GLDC: variants seen among roughly 807,000 people sequenced by gnomAD.
The protein encoded by GLDC is glycine decarboxylase, also known as glycine dehydrogenase (decarboxylating), mitochondrial.
A neutral mutation model predicts 121.3 loss-of-function variants in GLDC; 104 were observed. The observed-to-expected ratio is 0.86, with a 90% CI of 0.73 to 1.01. The LOEUF is 1.01. GLDC is among the 50% of genes least tolerant of loss of function. The pLI is 0.00. For missense variants in GLDC, 1,429 were observed against 1,306.6 expected, an observed-to-expected ratio of 1.09 and a Z score of -1.44; for synonymous variants, 546 against 480.6, an observed-to-expected ratio of 1.14 and a Z score of -1.78.
intron 16 of GLDC, among the ~76,000 whole-genome samples, chr9:6,563,309 G>C (rs571616832): frequency 3.9e-5 from 6 of 152,250 alleles, no homozygotes; most frequent in Admixed American, 6.5e-5. Flanking sequence ...TTACTGCGTG[G>C]AAAGAATCTG....
At chr9:6,558,246 C>T in intron 17 of GLDC, 1 of 583,786 alleles carries the variant, frequency 1.7e-6, no homozygotes, top group Non-Finnish European at 3.0e-6. Context: ...GTGTGACTGC[C>T]ATTTTGATTA....
chr9:6,611,440 C>A (rs571312960), intron 3 of GLDC, among the ~76,000 whole-genome samples: 21 of 152,170 alleles, frequency 1.4e-4, no homozygotes, highest in African/African-American at 5.1e-4. Flanking sequence ...CCTGTAGTCC[C>A]AGCTACTCAG....
At chr9:6,613,938 A>T (rs1343719141) in intron 3 of GLDC, among the ~76,000 whole-genome samples, 1 of 152,064 alleles carries the variant, frequency 6.6e-6, no homozygotes, top group African/African-American at 2.4e-5. Context: ...CACCACACCC[A>T]GCTAAATTTT....
chr9:6,534,523 G>C (rs992488465), intron 24 of GLDC, among the ~76,000 whole-genome samples, 185 bp downstream of exon 24: 3 of 152,114 alleles, frequency 2.0e-5, no homozygotes, highest in Non-Finnish European at 1.5e-5. Flanking sequence ...CAGATCTGTG[G>C]TTGATACTGT....
intron 15 of GLDC, among the ~76,000 whole-genome samples, chr9:6,575,301 T>C (rs1818043851): frequency 6.6e-6 from 1 of 151,858 alleles, no homozygotes; most frequent in South Asian, 2.1e-4. Context: ...GTGCAGTAGG[T>C]AGGGCATCTG....
At chr9:6,569,819 T>C (rs1244094485) in intron 15 of GLDC, among the ~76,000 whole-genome samples, 2 of 151,868 alleles carry the variant, frequency 1.3e-5, no homozygotes, top group South Asian at 4.1e-4. Context: ...CTACTAAAAA[T>C]ACAAAAATTA....
chr9:6,561,224 G>A (rs776419567), intron 16 of GLDC, among the ~76,000 whole-genome samples: 1 of 152,220 alleles, frequency 6.6e-6, no homozygotes, highest in Admixed American at 6.5e-5. Flanking sequence ...TACAAGGAGC[G>A]ATGGAAAGAG....
intron 21 of GLDC, among the ~76,000 whole-genome samples, chr9:6,547,859 G>A (rs183098739): frequency 2.0e-4 from 31 of 152,346 alleles, no homozygotes; most frequent in African/African-American, 7.2e-4. Context: ...GCCAGGTGCA[G>A]TGGCTCACAC....
chr9:6,575,099 G>C (rs917507698), intron 15 of GLDC, among the ~76,000 whole-genome samples: 11 of 151,886 alleles, frequency 7.2e-5, no homozygotes, highest in Non-Finnish European at 2.9e-5. Flanking sequence ...TTAACTACTT[G>C]GGAGGCTGAG....
intron 16 of GLDC, among the ~76,000 whole-genome samples, chr9:6,564,829 A>G (rs2129756324): frequency 6.6e-6 from 1 of 152,348 alleles, no homozygotes; most frequent in East Asian, 1.9e-4. Context: ...TCCAAAGCAA[A>G]CATTGAAGCA....
intron 2 of GLDC, among the ~76,000 whole-genome samples, chr9:6,636,703 A>G (rs1426398670): frequency 6.6e-6 from 1 of 152,138 alleles, no homozygotes; most frequent in Non-Finnish European, 1.5e-5. Flanking sequence ...TGAACCCAGG[A>G]GGTCGAGGCT....
At chr9:6,612,363 A>G (rs1000416410) in intron 3 of GLDC, among the ~76,000 whole-genome samples, 1 of 151,962 alleles carries the variant, frequency 6.6e-6, no homozygotes, top group Admixed American at 6.6e-5. Context: ...CAACCTCCCC[A>G]CCACACTCCC....
chr9:6,596,724 CA>C (rs1298642345), intron 8 of GLDC, among the ~76,000 whole-genome samples: 1 of 152,074 alleles, frequency 6.6e-6, no homozygotes, highest in Non-Finnish European at 1.5e-5. Context: ...TGGCTATAAC[CA>C]AAGGATAGGA....
chr9:6,556,774 A>G (rs1430586754), intron 17 of GLDC, among the ~76,000 whole-genome samples: 1 of 150,918 alleles, frequency 6.6e-6, no homozygotes, highest in Non-Finnish European at 1.5e-5. Flanking sequence ...AGCTTGGACA[A>G]CAGAGAGAGA....
At chr9:6,571,958 C>T (rs201857444) in intron 15 of GLDC, among the ~76,000 whole-genome samples, 2 of 152,130 alleles carry the variant, frequency 1.3e-5, no homozygotes, top group East Asian at 1.9e-4. Context: ...GAGGAAAGAT[C>T]GCCTTTTCAA....
At chr9:6,565,258 C>T in intron 16 of GLDC, 96 bp downstream of exon 16, 3 of 873,648 alleles carry the variant, frequency 3.4e-6, no homozygotes, top group East Asian at 4.8e-5. Flanking sequence ...CATCTGCTTC[C>T]AAGAAGGCTT....
intron 2 of GLDC, chr9:6,622,792 G>A (rs943163222): frequency 1.3e-5 from 3 of 229,984 alleles, no homozygotes; most frequent in African/African-American, 2.4e-5. Flanking sequence ...CACCTAGGAA[G>A]TGAGGAGCGC....
At chr9:6,626,288 C>T (rs1415628166) in intron 2 of GLDC, among the ~76,000 whole-genome samples, 1 of 152,136 alleles carries the variant, frequency 6.6e-6, no homozygotes, top group Non-Finnish European at 1.5e-5. Context: ...GCTAGGATCC[C>T]AGGAAGGGGG....
intron 2 of GLDC, among the ~76,000 whole-genome samples, chr9:6,625,235 C>T (rs545825576): frequency 6.6e-6 from 1 of 152,058 alleles, no homozygotes; most frequent in Non-Finnish European, 1.5e-5. Context: ...CAAACCAGCA[C>T]CGCCAGTTAT....
Sources: gnomAD v4.1 joint callset for allele counts (sites outside exome capture counted in the v4.1 genomes callset) on GRCh38, gnomAD v4.1.1 for gene constraint, MANE v1.5 for transcripts, NCBI Gene and HGNC (gene_info 2026-07-23, HGNC 2026-07-21) for gene names.